LCORL: variants seen among roughly 807,000 people sequenced by gnomAD.
LCORL encodes the protein ligand dependent nuclear receptor corepressor like.
LCORL carries 41 observed loss-of-function variants against 141.8 expected under a neutral mutation model. The observed-to-expected ratio is 0.29, with a 90% confidence interval of 0.23 to 0.38. LCORL has a LOEUF of 0.38. Ranked by LOEUF, LCORL falls within the 10% of genes least tolerant of loss-of-function variation. The pLI is 1.00. For synonymous variants in LCORL, 618 were observed against 694.1 expected, an observed-to-expected ratio of 0.89 and a Z score of 1.72; for missense variants, 1,759 against 2,035.0, an observed-to-expected ratio of 0.86 and a Z score of 2.61.
At chr4:17,976,102 A>G (rs1716905322) in intron 1 of LCORL, among the ~76,000 whole-genome samples, 1 of 151,992 alleles carries the variant, frequency 6.6e-6, no homozygotes, top group African/African-American at 2.4e-5. Flanking sequence ...GATAAGCAGC[A>G]TTTTCATTAT....
At chr4:17,890,743 A>C (rs1013946515) in intron 5 of LCORL, among the ~76,000 whole-genome samples, 3 of 152,134 alleles carry the variant, frequency 2.0e-5, no homozygotes, top group Non-Finnish European at 4.4e-5. Context: ...ACACTACCGG[A>C]ATTCAATTTA....
chr4:17,959,234 C>T (rs1446294285), intron 4 of LCORL, among the ~76,000 whole-genome samples: 3 of 151,916 alleles, frequency 2.0e-5, no homozygotes, highest in African/African-American at 7.2e-5. Context: ...GAGTATTCCC[C>T]ATAGTTCCTC....
intron 4 of LCORL, among the ~76,000 whole-genome samples, chr4:17,936,360 G>GAAAAAAAAA (rs10646952): frequency 4.1e-5 from 4 of 96,446 alleles, no homozygotes; most frequent in African/African-American, 6.8e-5. Context: ...GTCTCATAAT[G>GAAAAAAAAA]AAAAAAAAAA....
chr4:17,969,726 T>C (rs762948469), intron 2 of LCORL, among the ~76,000 whole-genome samples: 2 of 152,204 alleles, frequency 1.3e-5, no homozygotes, highest in African/African-American at 4.8e-5. Context: ...TGTTCATTCG[T>C]AAACTCAGCA....
chr4:17,999,790 C>T (rs1193341361), intron 1 of LCORL, among the ~76,000 whole-genome samples: 1 of 152,132 alleles, frequency 6.6e-6, no homozygotes, highest in Non-Finnish European at 1.5e-5. Context: ...AATCTCAGTT[C>T]ATTTTTGATA....
intron 4 of LCORL, among the ~76,000 whole-genome samples, chr4:17,941,964 T>TC (rs1738051585): frequency 6.6e-6 from 1 of 152,114 alleles, no homozygotes; most frequent in Non-Finnish European, 1.5e-5. Flanking sequence ...ACAGCCACTT[T>TC]CAACACAGCT....
intron 1 of LCORL, among the ~76,000 whole-genome samples, chr4:17,989,787 C>T (rs755588265): frequency 1.9e-4 from 29 of 152,182 alleles, no homozygotes; most frequent in Admixed American, 6.5e-4. Context: ...CACAAATTTA[C>T]TCATCACAGC....
intron 1 of LCORL, among the ~76,000 whole-genome samples, chr4:18,008,825 C>G (rs1483378760): frequency 6.6e-6 from 1 of 152,114 alleles, no homozygotes; most frequent in East Asian, 1.9e-4. Context: ...GATTAATTCA[C>G]AAGAACATAC....
intron 5 of LCORL, among the ~76,000 whole-genome samples, chr4:17,891,508 A>G (rs1411830387): frequency 1.3e-5 from 2 of 152,162 alleles, no homozygotes; most frequent in East Asian, 1.9e-4. Flanking sequence ...AAAACACTAA[A>G]TATTTAAAAA....
intron 2 of LCORL, among the ~76,000 whole-genome samples, chr4:17,969,973 T>C (rs1165172230): frequency 6.6e-6 from 1 of 152,186 alleles, no homozygotes; most frequent in African/African-American, 2.4e-5. Context: ...ATTGCTGGGA[T>C]ATCTTTCGTA....
At chr4:17,898,059 C>T (rs1235968187) in intron 5 of LCORL, among the ~76,000 whole-genome samples, 1 of 151,996 alleles carries the variant, frequency 6.6e-6, no homozygotes, top group Non-Finnish European at 1.5e-5. Flanking sequence ...CTTGTTTTTT[C>T]TCTTACACTG....
rs900775914 is a variant in LCORL at position 17,978,907 on chromosome 4, T to A, written c.155-6022A>T. Among the ~76,000 whole-genome samples, 5 of 151,796 alleles carry A rather than the reference T, an allele frequency of 3.3e-5. No homozygotes were observed. In the East Asian group the frequency reaches 9.7e-4, roughly 29 times the overall value. ...TAAAGGCAGATCTCTGCCTTCTTTT[T>A]TTTATTTTTTATTTTTTATTATTAT... On this transcript the variant is annotated intron_variant, in intron 1 of 7. Transcript: ENST00000635767.
chr4:17,990,383 GCC>G (rs72083992), intron 1 of LCORL, among the ~76,000 whole-genome samples: 29,520 of 151,768 alleles, frequency 0.19, 3,500 homozygotes, highest in African/African-American at 0.33. Context: ...ACAGGCATGA[GCC>G]ACCACGCCTG....
chr4:18,006,669 C>T (rs935412990), intron 1 of LCORL, among the ~76,000 whole-genome samples: 4 of 152,018 alleles, frequency 2.6e-5, no homozygotes, highest in Non-Finnish European at 5.9e-5. Context: ...AGGGAAAGTC[C>T]CCTTTTTAAA....
chr4:17,870,492 C>T (rs141905239), intron 7 of LCORL, among the ~76,000 whole-genome samples: 2 of 152,240 alleles, frequency 1.3e-5, no homozygotes, highest in African/African-American at 4.8e-5. Context: ...TGTGCTCTTA[C>T]AATCCATCGC....
chr4:17,903,634 C>T (rs1030341088), intron 5 of LCORL, among the ~76,000 whole-genome samples: 7 of 152,068 alleles, frequency 4.6e-5, no homozygotes, highest in African/African-American at 1.7e-4. Context: ...AGTATTTATA[C>T]AAATCTAAAT....
intron 7 of LCORL, among the ~76,000 whole-genome samples, chr4:17,872,478 T>C (rs1267876595): frequency 6.6e-6 from 1 of 152,110 alleles, no homozygotes; most frequent in Non-Finnish European, 1.5e-5. Context: ...TTAAGAAAGT[T>C]TACAAATTTG....
intron 1 of LCORL, among the ~76,000 whole-genome samples, chr4:17,990,962 G>A (rs1412174292): frequency 6.6e-6 from 1 of 151,948 alleles, no homozygotes; most frequent in African/African-American, 2.4e-5. Context: ...ATGTTACAGA[G>A]TACACACAGA....
intron 7 of LCORL, among the ~76,000 whole-genome samples, chr4:17,867,503 C>A (rs1577283993): frequency 6.6e-6 from 1 of 152,148 alleles, no homozygotes; most frequent in African/African-American, 2.4e-5. Context: ...GGCCAGACTT[C>A]CCAATTTAGA....
Sources: gnomAD v4.1 joint callset for allele counts (sites outside exome capture counted in the v4.1 genomes callset) on GRCh38, gnomAD v4.1.1 for gene constraint, MANE v1.5 for transcripts, NCBI Gene and HGNC (gene_info 2026-07-23, HGNC 2026-07-21) for gene names.